The following ANKFN1 variants were observed in gnomAD, a reference collection of about 807,000 sequenced individuals.
ANKFN1 encodes the protein ankyrin repeat and fibronectin type III domain containing 1.
Under a neutral mutation model 108.7 loss-of-function variants are expected in ANKFN1, and 74 were observed. The ratio of observed to expected loss-of-function variants is 0.68; its 90% CI spans 0.56 to 0.83. The LOEUF (loss-of-function observed/expected upper bound fraction) is 0.83. ANKFN1 is among the 40% of genes least tolerant of loss of function. The pLI is 0.00. For synonymous variants in ANKFN1, 547 were observed against 516.2 expected (o/e 1.06, Z -0.81); for missense variants, 1,505 against 1,382.3 (o/e 1.09, Z -1.41).
intron 4 of ANKFN1, among the ~76,000 whole-genome samples, chr17:56,131,975 A>T (rs1188215436): frequency 6.6e-6 from 1 of 152,218 alleles, no homozygotes; most frequent in African/African-American, 2.4e-5. Context: ...TTAAGAATCG[A>T]ATCATATGGA....
intron 5 of ANKFN1, among the ~76,000 whole-genome samples, 172 bp from the exon 6 acceptor site, chr17:56,353,664 G>T (rs892782099): frequency 6.6e-6 from 1 of 152,154 alleles, no homozygotes; most frequent in African/African-American, 2.4e-5. Flanking sequence ...TAGAAATGAC[G>T]GAGGGGAAGC....
chr17:56,093,697 A>C (rs540716953), intron 4 of ANKFN1, among the ~76,000 whole-genome samples: 1 of 151,498 alleles, frequency 6.6e-6, no homozygotes, highest in East Asian at 1.9e-4. Flanking sequence ...GTCAAGCCCC[A>C]AGGTGAAGTT....
intron 20 of ANKFN1, among the ~76,000 whole-genome samples, chr17:56,510,251 C>T (rs1214182097): frequency 6.6e-6 from 1 of 152,176 alleles, no homozygotes; most frequent in African/African-American, 2.4e-5. Context: ...CTTTCCCTTA[C>T]GCTAAGACCA....
chr17:56,425,935 A>G (rs1189821773), intron 8 of ANKFN1, among the ~76,000 whole-genome samples: 2 of 152,226 alleles, frequency 1.3e-5, no homozygotes, highest in African/African-American at 4.8e-5. Flanking sequence ...CCTTGTCCCT[A>G]GAAGGGTGTC....
At chr17:56,285,995 C>T (rs1239676693) in intron 3 of ANKFN1, among the ~76,000 whole-genome samples, 1 of 152,082 alleles carries the variant, frequency 6.6e-6, no homozygotes, top group Non-Finnish European at 1.5e-5. Flanking sequence ...TTTAATTATA[C>T]CCCCTTTCAC....
chr17:56,450,033 T>G, intron 11 of ANKFN1, among the ~76,000 whole-genome samples: 1 of 152,192 alleles, frequency 6.6e-6, no homozygotes, highest in Non-Finnish European at 1.5e-5. Flanking sequence ...TTAGTTTTAT[T>G]TGGAGAATTA....
At chr17:56,247,873 A>G (rs1004854648) in intron 3 of ANKFN1, among the ~76,000 whole-genome samples, 2 of 152,194 alleles carry the variant, frequency 1.3e-5, no homozygotes, top group African/African-American at 2.4e-5. Context: ...AATGGTTAGC[A>G]GGGTCCTGTT....
At chr17:56,085,716 G>A (rs1387842349) in intron 4 of ANKFN1, among the ~76,000 whole-genome samples, 2 of 151,254 alleles carry the variant, frequency 1.3e-5, no homozygotes, top group Non-Finnish European at 3.0e-5. Context: ...ACACCATTTG[G>A]TTCAACTCAA....
At chr17:56,339,637 TTG>T (rs1386584658) in intron 4 of ANKFN1, among the ~76,000 whole-genome samples, 1 of 152,140 alleles carries the variant, frequency 6.6e-6, no homozygotes, top group Non-Finnish European at 1.5e-5. Flanking sequence ...GGTCATAATC[TTG>T]TTCTTTTTAT....
rs565081412 is a variant in ANKFN1, at chr17:56,094,986, A to C, written c.288+48661A>C. On this transcript the variant is annotated intron_variant, in intron 4 of 12. Coordinates refer to the ANKFN1 transcript ENST00000635860. ...GAATTTTGGGTTAATTACAAATAGCAGTAAGGGTTAAATTGTGCTCCAAGT... is the reference window on the plus strand; with the variant it reads ...GAATTTTGGGTTAATTACAAATAGCCGTAAGGGTTAAATTGTGCTCCAAGT... Among the ~76,000 whole-genome samples the C allele has an allele frequency of 5.9e-4, 89 of 151,318 alleles. 2 individuals carry two copies. Among genetic ancestry groups the C allele is most frequent in the East Asian group, 5.4e-3 (28 of 5,172 alleles).
chr17:56,101,346 A>C lies in ANKFN1; in HGVS notation c.288+55021A>C, dbSNP rs370886332. ...ATCAATGTCACAGATGAATCTTTCC[A>C]TTCTCTTCTCCTCAAGCTAAATCAC... is the stretch of plus-strand genomic sequence containing the variant. On this transcript the variant is annotated intron_variant, in intron 4 of 12. Coordinates refer to the ANKFN1 transcript ENST00000635860. Among the ~76,000 whole-genome samples, 24 of 152,254 alleles carry C rather than the reference A, an allele frequency of 1.6e-4. No individual in the cohort carries two copies. In the East Asian group the frequency reaches 4.4e-3, roughly 28 times the overall value.
intron 4 of ANKFN1, among the ~76,000 whole-genome samples, chr17:56,100,989 G>T (rs1905635906): frequency 6.6e-6 from 1 of 152,102 alleles, no homozygotes; most frequent in Admixed American, 6.6e-5. Flanking sequence ...TTTGGAGGTA[G>T]GGCCTTTGGG....
At chr17:56,464,620 C>G (rs965044851) in intron 14 of ANKFN1, among the ~76,000 whole-genome samples, 2 of 152,040 alleles carry the variant, frequency 1.3e-5, no homozygotes, top group African/African-American at 4.8e-5. Flanking sequence ...TGGGATGGGT[C>G]TTGAAAAGGA....
intron 4 of ANKFN1, among the ~76,000 whole-genome samples, chr17:56,101,704 A>G (rs552398837): frequency 3.9e-5 from 6 of 152,346 alleles, no homozygotes; most frequent in African/African-American, 1.4e-4. Context: ...GTTAAGTTCC[A>G]TGAATGAGCT....
rs1395717725 is a variant in ANKFN1 at position 56,511,096 on chromosome 17, C to T, written c.3268C>T (p.Leu1090Phe). ...LQDARPSVRR[L>F]YVEPYAAAVV... ...GGACGCGAGGCCTTCCGTCCGCCGC[C>T]TCTACGTGGAGCCCTACGCAGCGGC... The change falls in exon 21 of 21, where the codon CTC (leucine) becomes TTC (phenylalanine). Residue 1090 changes from leucine (L) to phenylalanine (F), a missense_variant. Physicochemically the swap from Leu to Phe is conservative, Grantham distance 22 (BLOSUM62 0). Transcript: ENST00000682825. 1 of 1,536,028 alleles carries T rather than the reference C, an allele frequency of 6.5e-7. No homozygotes were observed. The highest frequency in any genetic ancestry group is 8.7e-7 in the Non-Finnish European group (1 of 1,146,856).
intron 4 of ANKFN1, among the ~76,000 whole-genome samples, chr17:56,086,784 C>T (rs1349289381): frequency 1.3e-5 from 2 of 151,290 alleles, no homozygotes; most frequent in African/African-American, 4.9e-5. Flanking sequence ...ACTGTTCTAG[C>T]TCCATGCCTA....
At chr17:56,132,788 T>C (rs1391173849) in intron 4 of ANKFN1, among the ~76,000 whole-genome samples, 1 of 152,114 alleles carries the variant, frequency 6.6e-6, no homozygotes, top group Non-Finnish European at 1.5e-5. Flanking sequence ...GGTAGCCCTC[T>C]AGCTAGTTCT....
At chr17:56,088,560 C>G (rs927348423) in intron 4 of ANKFN1, among the ~76,000 whole-genome samples, 5 of 150,846 alleles carry the variant, frequency 3.3e-5, no homozygotes, top group African/African-American at 9.7e-5. Context: ...CTCTTTGCCT[C>G]CCCATCCCCC....
chr17:56,250,501 G>A (rs1377871125), intron 3 of ANKFN1, among the ~76,000 whole-genome samples: 1 of 152,168 alleles, frequency 6.6e-6, no homozygotes, highest in African/African-American at 2.4e-5. Flanking sequence ...CATTAACCCA[G>A]GGAGCTTGAT....
Sources: allele counts gnomAD v4.1 joint callset (sites outside exome capture counted in the v4.1 genomes callset), GRCh38; gene constraint gnomAD v4.1.1; transcripts MANE v1.5; gene names NCBI Gene and HGNC (gene_info 2026-07-23, HGNC 2026-07-21).